Variants in MIA2 observed in about 807,000 individuals in gnomAD.
MIA2 encodes melanoma inhibitory activity protein 2.
A neutral mutation model predicts 167.8 loss-of-function variants in MIA2; 127 were observed. The ratio of observed to expected loss-of-function variants is 0.76; its 90% CI spans 0.66 to 0.88. MIA2 has a LOEUF of 0.88. MIA2 is among the 40% of genes least tolerant of loss of function. The probability of loss-of-function intolerance (pLI) is 0.00; values close to 1 mark genes in which losing one functional copy is unlikely to be tolerated. For synonymous variants in MIA2, 552 were observed against 541.9 expected, an observed-to-expected ratio of 1.02 and a Z score of -0.26; for missense variants, 1,690 against 1,624.7, an observed-to-expected ratio of 1.04 and a Z score of -0.69.
In MIA2 at chr14:39,347,781, G is replaced by C. The variant is rs1310559625; in HGVS notation, c.3837+10G>C. On this transcript the variant is annotated intron_variant, in intron 27 of 28. Transcript: ENST00000640607. Reference sequence around the variant, plus strand: ...CAAAGATGATCTTGGTGTAAGTATTGAAAGAGTGGAATTGTATGCATGTAT... The same window carrying C: ...CAAAGATGATCTTGGTGTAAGTATTCAAAGAGTGGAATTGTATGCATGTAT... 2.1e-6 allele frequency: 3 copies of C among 1,461,142 alleles called. No homozygotes were observed. The highest frequency in any genetic ancestry group is 2.8e-6 in the Non-Finnish European group (3 of 1,054,852). The allele number at this position is 1,461,142 out of a possible 1,614,324, so 90.5% of individuals were successfully genotyped here.
At chr14:39,282,053 T>C (rs1279659663) in intron 9 of MIA2, among the ~76,000 whole-genome samples, 1 of 152,234 alleles carries the variant, frequency 6.6e-6, no homozygotes, top group Non-Finnish European at 1.5e-5. Context: ...GTGCTCATTT[T>C]TTCTCTTGTT....
intron 6 of MIA2, 49 bp from the exon 7 acceptor site, chr14:39,276,885 T>G: frequency 6.3e-7 from 1 of 1,597,504 alleles, no homozygotes; most frequent in Non-Finnish European, 8.5e-7. Context: ...GTAATCAATA[T>G]TTTTACCAAA....
intron 9 of MIA2, among the ~76,000 whole-genome samples, chr14:39,283,897 G>C (rs115732899): frequency 2.2e-3 from 339 of 152,130 alleles, no homozygotes; most frequent in African/African-American, 7.7e-3. Context: ...TTAAAATATT[G>C]AATATTAACC....
chr14:39,327,243 T>C (rs2067763130), intron 25 of MIA2, among the ~76,000 whole-genome samples: 1 of 152,198 alleles, frequency 6.6e-6, no homozygotes, highest in Admixed American at 6.5e-5. Flanking sequence ...TTTTATTGTT[T>C]TTGTTGCTTG....
chr14:39,252,382 G>A (rs1220516908), intron 4 of MIA2, among the ~76,000 whole-genome samples: 1 of 152,054 alleles, frequency 6.6e-6, no homozygotes, highest in African/African-American at 2.4e-5. Context: ...TGGAGGATGG[G>A]GCCATGAGTC....
At position 39,347,818 on chromosome 14, in the gene MIA2, C is replaced by CTTTTT. The variant is rs59832680; in HGVS notation, c.3837+66_3837+70dup. On this transcript the variant is annotated intron_variant, in intron 27 of 28. Coordinates refer to ENST00000640607, the MANE Select transcript of MIA2 (RefSeq NM_001329214.4). ...TTGTATGCATGTATTCAGAAGCCTT[C>CTTTTT]TTTTTTTTTTTTTTTTTTTTTTTAT... 1.7e-3 allele frequency: 1,218 copies of CTTTTT among 705,168 alleles called. 3 individuals carry two copies. Among genetic ancestry groups the CTTTTT allele is most frequent in the South Asian group, 4.8e-3 (224 of 46,222 alleles). 43.7% of individuals were successfully genotyped at this position (705,168 alleles called of 1,614,324 possible). A position where few individuals can be genotyped will look rare whatever the true frequency, so the allele number is the denominator to read the frequency against.
At chr14:39,352,842 T>C (rs879886260), downstream of MIA2, among the ~76,000 whole-genome samples, 6 of 152,206 alleles carry the variant, frequency 3.9e-5, no homozygotes, top group Non-Finnish European at 8.8e-5. Flanking sequence ...AGTTAACATA[T>C]ATTTTACCTT....
chr14:39,305,935 C>CAA (rs11285736), intron 17 of MIA2, among the ~76,000 whole-genome samples: 2 of 125,546 alleles, frequency 1.6e-5, no homozygotes, highest in African/African-American at 6.1e-5. Flanking sequence ...GACTTTGTCT[C>CAA]AAAAAAAAAA....
chr14:39,344,094 T>C (rs1166919226), intron 25 of MIA2, among the ~76,000 whole-genome samples: 1 of 152,224 alleles, frequency 6.6e-6, no homozygotes, highest in African/African-American at 2.4e-5. Context: ...TGTTTGTGCC[T>C]GACACATACT....
At chr14:39,244,456 G>T (rs2054199823) in intron 3 of MIA2, among the ~76,000 whole-genome samples, 1 of 152,224 alleles carries the variant, frequency 6.6e-6, no homozygotes, top group Non-Finnish European at 1.5e-5. Flanking sequence ...CACAGAGGTA[G>T]TAGATGGCAG....
chr14:39,281,542 C>A (rs1380907517), intron 9 of MIA2, among the ~76,000 whole-genome samples: 1 of 150,260 alleles, frequency 6.7e-6, no homozygotes, highest in East Asian at 1.9e-4. Flanking sequence ...TTTTGTAGTT[C>A]TTTTTCTCTG....
chr14:39,263,201 G>A (rs972467314), intron 6 of MIA2, among the ~76,000 whole-genome samples: 7 of 152,112 alleles, frequency 4.6e-5, no homozygotes, highest in Non-Finnish European at 7.3e-5. Flanking sequence ...TCAATACCTA[G>A]TTTATTGAGA....
chr14:39,301,571 G>C (rs1457288526), intron 14 of MIA2, among the ~76,000 whole-genome samples: 2 of 152,198 alleles, frequency 1.3e-5, no homozygotes, highest in Non-Finnish European at 2.9e-5. Flanking sequence ...GGTCCCTCCA[G>C]AGGAATACAT....
chr14:39,382,960 T>G (rs1201433289), intron 23 of MIA2, among the ~76,000 whole-genome samples: 1 of 148,774 alleles, frequency 6.7e-6, no homozygotes, highest in African/African-American at 2.5e-5. Context: ...ACAGTTTTTT[T>G]TTTTTTTTTT....
At chr14:39,336,258 A>G (rs1178434935) in intron 25 of MIA2, among the ~76,000 whole-genome samples, 1 of 152,140 alleles carries the variant, frequency 6.6e-6, no homozygotes, top group Non-Finnish European at 1.5e-5. Context: ...CAACCTTGGC[A>G]ACATCTGTTA....
intron 25 of MIA2, among the ~76,000 whole-genome samples, chr14:39,338,078 A>G (rs779649799): frequency 2.0e-5 from 3 of 152,308 alleles, no homozygotes; most frequent in East Asian, 3.9e-4. Flanking sequence ...TGGTGGATTC[A>G]AGAGTTTGAG....
At chr14:39,337,469 A>G (rs1418436687) in intron 25 of MIA2, among the ~76,000 whole-genome samples, 1 of 152,262 alleles carries the variant, frequency 6.6e-6, no homozygotes, top group African/African-American at 2.4e-5. Flanking sequence ...GTTACCCAAC[A>G]GCAGCAGAAT....
chr14:39,311,941 T>C (rs1310967901), intron 18 of MIA2, among the ~76,000 whole-genome samples: 1 of 151,770 alleles, frequency 6.6e-6, no homozygotes, highest in African/African-American at 2.4e-5. Flanking sequence ...GCAATTCTCC[T>C]GCCTCAGACT....
intron 6 of MIA2, among the ~76,000 whole-genome samples, chr14:39,275,790 C>T (rs947324698): frequency 2.6e-5 from 4 of 152,054 alleles, no homozygotes; most frequent in African/African-American, 7.2e-5. Flanking sequence ...TAGATTTCTG[C>T]GAACTGGTAC....
Sources: gnomAD v4.1 joint callset for allele counts (sites outside exome capture counted in the v4.1 genomes callset) on GRCh38, gnomAD v4.1.1 for gene constraint, MANE v1.5 for transcripts, NCBI Gene and HGNC (gene_info 2026-07-23, HGNC 2026-07-21) for gene names.